SCN8A: variants seen among roughly 807,000 people sequenced by gnomAD.
SCN8A encodes sodium channel protein type 8 subunit alpha.
A neutral mutation model predicts 184.1 loss-of-function variants in SCN8A; 30 were observed. The observed-to-expected ratio is 0.16, with a 90% CI of 0.12 to 0.22. The LOEUF is 0.22. SCN8A is among the 10% of genes least tolerant of loss of function. The pLI is 1.00. For synonymous variants in SCN8A, 852 were observed against 907.0 expected (o/e 0.94, Z 1.09); for missense variants, 1,057 against 2,498.9 (o/e 0.42, Z 12.30).
intron 6 of SCN8A, among the ~76,000 whole-genome samples, chr12:51,693,494 G>A (rs563153054): frequency 4.6e-5 from 7 of 152,156 alleles, no homozygotes; most frequent in Non-Finnish European, 8.8e-5. Context: ...ACTGTAGGCT[G>A]GGTGCAGTGG....
chr12:51,760,093 C>G (rs1038132082), intron 14 of SCN8A, among the ~76,000 whole-genome samples: 2 of 152,184 alleles, frequency 1.3e-5, no homozygotes, highest in East Asian at 3.8e-4. Context: ...AACAGTGTTG[C>G]ATTGGGGATT....
intron 6 of SCN8A, among the ~76,000 whole-genome samples, chr12:51,692,560 C>T (rs1314612186): frequency 6.6e-6 from 1 of 152,202 alleles, no homozygotes; most frequent in Non-Finnish European, 1.5e-5. Context: ...AAGGTCTGTG[C>T]TAAAAGGGTC....
intron 1 of SCN8A, among the ~76,000 whole-genome samples, chr12:51,621,346 C>G (rs1939957899): frequency 6.6e-6 from 1 of 152,162 alleles, no homozygotes. Flanking sequence ...ATTTAGAGAT[C>G]AGAGTTTACG....
At chr12:51,735,718 C>T (rs1691749142) in intron 12 of SCN8A, among the ~76,000 whole-genome samples, 1 of 152,182 alleles carries the variant, frequency 6.6e-6, no homozygotes, top group South Asian at 2.1e-4. Flanking sequence ...TCCTCCTCAG[C>T]ATCGGTCTCG....
chr12:51,649,150 T>C (rs896432105), intron 1 of SCN8A, among the ~76,000 whole-genome samples: 11 of 152,182 alleles, frequency 7.2e-5, no homozygotes, highest in Admixed American at 2.0e-4. Flanking sequence ...ACTCAAGGCC[T>C]CATGTCCATG....
At chr12:51,679,299 T>C (rs905080997) in intron 2 of SCN8A, among the ~76,000 whole-genome samples, 2 of 152,154 alleles carry the variant, frequency 1.3e-5, no homozygotes, top group African/African-American at 2.4e-5. Flanking sequence ...TCTTATGCAG[T>C]CAGTCTGGAC....
intron 1 of SCN8A, among the ~76,000 whole-genome samples, chr12:51,611,240 C>A (rs1263588855): frequency 6.7e-6 from 1 of 150,208 alleles, no homozygotes. Flanking sequence ...CAGGCTGGAG[C>A]AAGCTCCGCC....
At chr12:51,593,544 A>ACC (rs1939278138) in intron 1 of SCN8A, among the ~76,000 whole-genome samples, 1 of 152,032 alleles carries the variant, frequency 6.6e-6, no homozygotes, top group African/African-American at 2.4e-5. Flanking sequence ...TCCTTGTAGG[A>ACC]CCCTTAAGAA....
chr12:51,792,769 GTCTC>G (rs1312365858), intron 25 of SCN8A, among the ~76,000 whole-genome samples: 1 of 152,146 alleles, frequency 6.6e-6, no homozygotes, highest in African/African-American at 2.4e-5. Flanking sequence ...TTGAGACAGA[GTCTC>G]TCTCTGTTAA....
At chr12:51,662,693 G>A (rs1940947665) in intron 1 of SCN8A, 71 bp from the exon 2 acceptor site, 2 of 898,776 alleles carry the variant, frequency 2.2e-6, no homozygotes, top group Non-Finnish European at 1.7e-6. Context: ...GGTTGAGAGT[G>A]AGATGGTTTA....
chr12:51,628,238 A>G (rs1940122155), intron 1 of SCN8A, among the ~76,000 whole-genome samples: 1 of 152,218 alleles, frequency 6.6e-6, no homozygotes, highest in Non-Finnish European at 1.5e-5. Context: ...GTAAAGGTCA[A>G]ATTGGTGAAT....
chr12:51,736,650 T>C (rs1019458344), intron 12 of SCN8A, among the ~76,000 whole-genome samples: 1 of 152,160 alleles, frequency 6.6e-6, no homozygotes, highest in African/African-American at 2.4e-5. Context: ...CTGGAAGAGG[T>C]GTATGAGCTC....
At chr12:51,771,195 T>C (rs1469405050) in intron 19 of SCN8A, among the ~76,000 whole-genome samples, 2 of 152,204 alleles carry the variant, frequency 1.3e-5, no homozygotes, top group Non-Finnish European at 2.9e-5. Context: ...GCTCCTCCAC[T>C]GCTGAGACTA....
At chr12:51,601,865 T>G (rs562610380) in intron 1 of SCN8A, among the ~76,000 whole-genome samples, 167 of 149,258 alleles carry the variant, frequency 1.1e-3, no homozygotes, top group African/African-American at 4.0e-3. Flanking sequence ...GTTTTTTTTT[T>G]TTTTTTTTTT....
At chr12:51,738,844 T>C (rs1224397421) in intron 12 of SCN8A, among the ~76,000 whole-genome samples, 1 of 152,168 alleles carries the variant, frequency 6.6e-6, no homozygotes, top group Non-Finnish European at 1.5e-5. Flanking sequence ...TTGCGGGGGT[T>C]CCCCAGGCAG....
intron 25 of SCN8A, among the ~76,000 whole-genome samples, chr12:51,791,248 G>T (rs1013864056): frequency 1.3e-5 from 2 of 152,090 alleles, no homozygotes; most frequent in Non-Finnish European, 2.9e-5. Flanking sequence ...TAATACAAAA[G>T]CTTCCCTGAT....
At chr12:51,611,261 A>G (rs1285367021) in intron 1 of SCN8A, among the ~76,000 whole-genome samples, 1 of 148,420 alleles carries the variant, frequency 6.7e-6, no homozygotes, top group Admixed American at 6.8e-5. Context: ...TCCCAGGTTC[A>G]CGCCATTCTC....
intron 12 of SCN8A, among the ~76,000 whole-genome samples, chr12:51,726,407 T>C (rs922421293): frequency 6.6e-6 from 1 of 152,222 alleles, no homozygotes; most frequent in Non-Finnish European, 1.5e-5. Context: ...TGCATCTGAC[T>C]GAAGAGGAAG....
intron 20 of SCN8A, among the ~76,000 whole-genome samples, chr12:51,777,917 A>G (rs1461515143): frequency 6.6e-6 from 1 of 152,246 alleles, no homozygotes; most frequent in East Asian, 1.9e-4. Flanking sequence ...CCCTTCAGAT[A>G]TACTTATTAA....
Sources: gnomAD v4.1 joint callset for allele counts (sites outside exome capture counted in the v4.1 genomes callset) on GRCh38, gnomAD v4.1.1 for gene constraint, MANE v1.5 for transcripts, NCBI Gene and HGNC (gene_info 2026-07-23, HGNC 2026-07-21) for gene names.